Variants in LRP4 observed in about 807,000 individuals in gnomAD.
LRP4 encodes the protein LDL receptor related protein 4.
LRP4 carries 95 observed loss-of-function variants against 220.3 expected under a neutral mutation model. That is an observed-to-expected ratio of 0.43 (90% CI 0.37 to 0.51). LRP4 has a LOEUF of 0.51. Ranked by LOEUF, LRP4 falls within the 20% of genes least tolerant of loss-of-function variation. The pLI, the probability that LRP4 is intolerant of heterozygous loss-of-function variation, is 0.00. For missense variants in LRP4, 1,925 were observed against 2,567.0 expected (o/e 0.75, Z 5.40); for synonymous variants, 903 against 954.6 (o/e 0.95, Z 1.00).
Position 46,858,956 on chromosome 11 carries a change from G to A in LRP4, c.*27C>T. On this transcript the variant is annotated 3_prime_UTR_variant, in exon 38 of 38. Coordinates refer to ENST00000378623, the MANE Select transcript of LRP4 (RefSeq NM_002334.4). ...AGACGTCCATAAAGGAGAAGGAACA[G>A]GCAGGCAGGGAAGAGAATGTGGGCA... 2 of 1,605,068 alleles carry A rather than the reference G, an allele frequency of 1.2e-6. No individual in the cohort carries two copies. Among genetic ancestry groups the A allele is most frequent in the Non-Finnish European group, 1.7e-6 (2 of 1,172,578 alleles).
chr11:46,887,868 C>T (rs116710805), intron 16 of LRP4, among the ~76,000 whole-genome samples: 2,014 of 151,328 alleles, frequency 0.013, 47 homozygotes, highest in African/African-American at 0.046. Context: ...CCACAAAATT[C>T]GCCAGGTGTG....
intron 34 of LRP4, among the ~76,000 whole-genome samples, chr11:46,867,434 G>A (rs1940733457): frequency 6.6e-6 from 1 of 152,082 alleles, no homozygotes; most frequent in Non-Finnish European, 1.5e-5. Flanking sequence ...TCTGTTTAAA[G>A]TTGTTCTTTT....
chr11:46,902,293 A>T (rs923674707), intron 2 of LRP4, among the ~76,000 whole-genome samples: 2 of 144,472 alleles, frequency 1.4e-5, no homozygotes, highest in Admixed American at 7.1e-5. Flanking sequence ...TGGGAGGTGG[A>T]GGTTGCAGTG....
intron 1 of LRP4, among the ~76,000 whole-genome samples, chr11:46,907,850 C>T (rs547983587): frequency 6.6e-6 from 1 of 152,308 alleles, no homozygotes; most frequent in South Asian, 2.1e-4. Context: ...ATTAACAGTT[C>T]TAACTCAAAG....
rs1941521066 is a variant in LRP4 at position 46,895,970 on chromosome 11, G to A, written c.1097C>T (p.Ala366Val). 3.7e-6 allele frequency: 6 copies of A among 1,614,082 alleles called. No homozygotes were observed. Among genetic ancestry groups the A allele is most frequent in the Non-Finnish European group, 4.2e-6 (5 of 1,180,032 alleles). Residue 366 changes from alanine (A) to valine (V), a missense_variant, in exon 10 of 38, where the codon GCC becomes GTC. Ala to Val is a moderately conservative substitution (Grantham distance 64, BLOSUM62 0). Transcript: ENST00000378623. Reference sequence around the variant, plus strand: ...CCCCCGCACCATCTGGCACTTCTGGGCACAGCCACCGTTGTTAACATTGCA... The same window carrying A: ...CCCCCGCACCATCTGGCACTTCTGGACACAGCCACCGTTGTTAACATTGCA... ...ENCNVNNGGCAQKCQMVRGAV... is the reference protein window; with the variant it reads ...ENCNVNNGGCVQKCQMVRGAV...
Position 46,859,115 on chromosome 11 carries a change from C to A in LRP4, c.5586G>T (p.Thr1862=). 2 of 1,614,162 alleles carry A rather than the reference C, an allele frequency of 1.2e-6. No homozygotes were observed. The highest frequency in any genetic ancestry group is 1.7e-6 in the Non-Finnish European group (2 of 1,180,022). Residue 1862 remains threonine (T), a synonymous_variant, in exon 38 of 38, where the codon ACG becomes ACT. Transcript: ENST00000378623. ...ACTGCTCTTCCTGTAACAGCTGCTC[C>A]GTCTCTGTGTCATCCAGGGAGCCAG... is the stretch of plus-strand genomic sequence containing the variant. ...ASSGSLDDTE[T]EQLLQEEQSE...
At chr11:46,891,499 A>C (rs1748920585) in intron 13 of LRP4, among the ~76,000 whole-genome samples, 1 of 152,004 alleles carries the variant, frequency 6.6e-6, no homozygotes, top group African/African-American at 2.4e-5. Context: ...AGTTTCTAAA[A>C]CAGTTGATAC....
chr11:46,906,894 A>G (rs1399032757), intron 1 of LRP4, among the ~76,000 whole-genome samples: 3 of 152,152 alleles, frequency 2.0e-5, no homozygotes, highest in Admixed American at 1.3e-4. Context: ...CGTCCGCTGC[A>G]GTGAAGGGCG....
At position 46,881,753 on chromosome 11, in the gene LRP4, G is replaced by A. The variant is rs532977473; in HGVS notation, c.2763C>T (p.Asp921=). ...CAAATTCAATTGTCTTCATGCCGGC[G>A]TCAGCCCAGTATAGACGCTGGGACC... ...DYGSQRLYWA[D]AGMKTIEFAG... Residue 921 remains aspartate (D), a synonymous_variant, in exon 20 of 38, where the codon GAC becomes GAT. Coordinates refer to ENST00000378623, the MANE Select transcript of LRP4 (RefSeq NM_002334.4). 69 of 1,613,820 alleles carry A rather than the reference G, an allele frequency of 4.3e-5. No homozygotes were observed. The highest frequency in any genetic ancestry group is 3.8e-4 in the Admixed American group (23 of 60,008).
chr11:46,907,460 T>C (rs1941781202), intron 1 of LRP4, among the ~76,000 whole-genome samples: 2 of 152,244 alleles, frequency 1.3e-5, no homozygotes. Flanking sequence ...TTGTCCAACC[T>C]GAGACTTGCA....
At chr11:46,876,911 C>G in intron 23 of LRP4, 81 bp from the exon 24 acceptor site, 1 of 1,146,804 alleles carries the variant, frequency 8.7e-7, no homozygotes, top group Non-Finnish European at 1.3e-6. Context: ...TCTTGAAACA[C>G]CAGAGCATGT....
chr11:46,889,467 T>A lies in LRP4; in HGVS notation c.2159A>T (p.Tyr720Phe), dbSNP rs1941372971. ...GAAGCCAGTGGGGCAGGCACAGGTGTAGTTCTGGCCACTGGGCAGACACAG... is the reference window on the plus strand; with the variant it reads ...GAAGCCAGTGGGGCAGGCACAGGTGAAGTTCTGGCCACTGGGCAGACACAG... ...THLCLPSGQN[Y>F]TCACPTGFRK... The change falls in exon 16 of 38, where the codon TAC (tyrosine) becomes TTC (phenylalanine). Residue 720 changes from tyrosine to phenylalanine, a missense_variant. This residue lies in a region of LRP4 where 1,244 missense variants were observed against 1,624.9 expected (regional missense o/e 0.77). Transcript: ENST00000378623. The A allele has an allele frequency of 1.2e-6, 2 of 1,613,972 alleles. No homozygotes were observed. Among genetic ancestry groups the A allele is most frequent in the East Asian group, 4.5e-5 (2 of 44,884 alleles).
chr11:46,887,604 G>A (rs1409784093), intron 16 of LRP4, among the ~76,000 whole-genome samples: 1 of 151,892 alleles, frequency 6.6e-6, no homozygotes, highest in Admixed American at 6.6e-5. Flanking sequence ...AGGCTGAGGT[G>A]GATAGATCAC....
chr11:46,898,495 CTCTT>C, intron 7 of LRP4, 59 bp downstream of exon 7: 2 of 1,611,236 alleles, frequency 1.2e-6, no homozygotes. Flanking sequence ...CGGTAGTGGC[CTCTT>C]TGGCTCCACA....
Position 46,875,077 on chromosome 11 carries a change from C to T in LRP4, c.3952G>A (p.Gly1318Ser). The change falls in exon 28 of 38, where the codon GGC (glycine) becomes AGC (serine). Residue 1318 changes from glycine (G) to serine (S), a missense_variant. Gly to Ser is a moderately conservative substitution (Grantham distance 56). Transcript: ENST00000378623. The surrounding 1 kb of genome is among the most constrained non-coding windows in gnomAD (Gnocchi z 4.5). ...LGFNKCGSRN[G>S]GCSHLCLPRP... ...GGCAAGCAGAGGTGGGAGCAGCCGC[C>T]ATTTCTCGAGCCGCACTTGTTAAAA... 6.2e-7 allele frequency: 1 copy of T among 1,613,562 alleles called. No homozygotes were observed.
chr11:46,863,071 G>C, intron 36 of LRP4: 2 of 355,444 alleles, frequency 5.6e-6, no homozygotes, highest in Non-Finnish European at 1.1e-5. Context: ...CCTATGGAGA[G>C]GCCCACAAGG....
At chr11:46,900,921 G>C (rs978557943) in intron 2 of LRP4, among the ~76,000 whole-genome samples, 2 of 152,002 alleles carry the variant, frequency 1.3e-5, no homozygotes, top group African/African-American at 2.4e-5. Flanking sequence ...CGAGTAGCTG[G>C]TGTTACAGGT....
intron 28 of LRP4, 144 bp downstream of exon 28, chr11:46,874,656 A>G (rs1422328221): frequency 2.9e-6 from 2 of 678,596 alleles, no homozygotes; most frequent in Non-Finnish European, 5.1e-6. Context: ...GTAAGTGACA[A>G]CACTACAAAG....
Position 46,858,863 on chromosome 11 carries a change from T to C in LRP4, c.*120A>G, listed in dbSNP as rs1450705874. The stretch of plus-strand genomic sequence containing the variant: ...TCCGGTGAAGGCTTAGGAACAGTTA[T>C]GGGGTGGGAGGAGGAGGAGGACAAG... On this transcript the variant is annotated 3_prime_UTR_variant, in exon 38 of 38. Transcript: ENST00000378623. 6 of 930,364 alleles carry C rather than the reference T, an allele frequency of 6.4e-6. No individual in the cohort carries two copies. Among genetic ancestry groups the C allele is most frequent in the African/African-American group, 1.6e-5 (1 of 62,018 alleles). 57.6% of individuals were successfully genotyped at this position (930,364 alleles called of 1,614,324 possible).
Sources: allele counts gnomAD v4.1 joint callset (sites outside exome capture counted in the v4.1 genomes callset), GRCh38; gene constraint gnomAD v4.1.1; regional missense constraint gnomAD v4.1.1; non-coding constraint Gnocchi (gnomAD v3.1); transcripts MANE v1.5; gene names NCBI Gene and HGNC (gene_info 2026-07-23, HGNC 2026-07-21).